The following PLEKHM3 variants were observed in gnomAD, a reference collection of about 807,000 sequenced individuals.
PLEKHM3 encodes pleckstrin homology domain containing M3, also known as pleckstrin homology domain-containing family M member 3.
PLEKHM3 carries 45 observed loss-of-function variants against 81.8 expected under a neutral mutation model. The observed-to-expected ratio is 0.55, with a 90% CI of 0.43 to 0.71. The LOEUF (loss-of-function observed/expected upper bound fraction) is 0.71, where lower values mean the gene tolerates loss of function less well. Ranked by LOEUF, PLEKHM3 falls within the 30% of genes least tolerant of loss-of-function variation. The pLI is 0.00. For synonymous variants in PLEKHM3, 352 were observed against 356.4 expected (o/e 0.99, Z 0.14); for missense variants, 788 against 924.3 (o/e 0.85, Z 1.91).
intron 7 of PLEKHM3, among the ~76,000 whole-genome samples, chr2:207,845,092 T>C (rs759575759): frequency 1.1e-4 from 16 of 152,190 alleles, no homozygotes; most frequent in Non-Finnish European, 2.1e-4. Flanking sequence ...GTTGTGAAGA[T>C]GTTTCCTGAG....
In PLEKHM3 at chr2:208,021,904, C is replaced by T. The variant is rs536383868; in HGVS notation, c.-319+3485G>A. Among the ~76,000 whole-genome samples, 8 of 152,326 alleles carry T rather than the reference C, an allele frequency of 5.3e-5. No homozygotes were observed. In the South Asian group the frequency reaches 1.7e-3, roughly 32 times the overall value. On this transcript the variant is annotated intron_variant, in intron 1 of 7. Transcript: ENST00000427836. ...AAAATCCTTTTTAGTGTCTATATAACACTGTATCTATTGATGACACCATAA... is the reference window on the plus strand; with the variant it reads ...AAAATCCTTTTTAGTGTCTATATAATACTGTATCTATTGATGACACCATAA...
chr2:207,851,070 T>C (rs2092409512), intron 7 of PLEKHM3, among the ~76,000 whole-genome samples: 1 of 150,478 alleles, frequency 6.6e-6, no homozygotes, highest in Non-Finnish European at 1.5e-5. Flanking sequence ...GGATAATTGT[T>C]TGAACCTGGG....
At chr2:207,939,585 G>A (rs1162812008) in intron 4 of PLEKHM3, among the ~76,000 whole-genome samples, 6 of 152,122 alleles carry the variant, frequency 3.9e-5, no homozygotes, top group Non-Finnish European at 8.8e-5. Flanking sequence ...CTTATGATGC[G>A]CCACACCCTG....
intron 6 of PLEKHM3, among the ~76,000 whole-genome samples, chr2:207,881,718 A>G (rs1339860022): frequency 1.3e-5 from 2 of 152,182 alleles, no homozygotes; most frequent in Admixed American, 1.3e-4. Context: ...TTGACAGTCA[A>G]CCACTGGGTC....
intron 6 of PLEKHM3, among the ~76,000 whole-genome samples, chr2:207,891,908 G>A (rs11897835): frequency 0.23 from 35,173 of 152,092 alleles, 4,278 homozygotes; most frequent in Middle Eastern, 0.31. Flanking sequence ...TTGCAAGCAC[G>A]CCTGAGAACT....
At chr2:207,992,097 C>T (rs1447588693) in intron 2 of PLEKHM3, among the ~76,000 whole-genome samples, 1 of 152,150 alleles carries the variant, frequency 6.6e-6, no homozygotes, top group Non-Finnish European at 1.5e-5. Context: ...AGTGGAACTC[C>T]AACCTCCAGA....
At chr2:207,859,100 C>A (rs898285865) in intron 7 of PLEKHM3, among the ~76,000 whole-genome samples, 1 of 150,408 alleles carries the variant, frequency 6.6e-6, no homozygotes, top group African/African-American at 2.4e-5. Flanking sequence ...AATGTTAATA[C>A]ATGTTGCAGC....
intron 7 of PLEKHM3, among the ~76,000 whole-genome samples, chr2:207,852,615 C>T (rs1454225246): frequency 2.6e-5 from 4 of 152,030 alleles, no homozygotes; most frequent in Non-Finnish European, 5.9e-5. Context: ...TATTCTAGTA[C>T]TGAAGAACAT....
At chr2:207,953,203 T>C (rs1690390493) in intron 3 of PLEKHM3, among the ~76,000 whole-genome samples, 1 of 152,258 alleles carries the variant, frequency 6.6e-6, no homozygotes, top group Non-Finnish European at 1.5e-5. Flanking sequence ...GTTGAGTTCA[T>C]GGACTTTAGA....
intron 6 of PLEKHM3, among the ~76,000 whole-genome samples, chr2:207,874,212 T>A (rs1300164261): frequency 6.6e-6 from 1 of 152,150 alleles, no homozygotes; most frequent in Non-Finnish European, 1.5e-5. Flanking sequence ...TTTAAATAAA[T>A]GATGTTGGGG....
chr2:208,007,194 C>G (rs1336714503), intron 1 of PLEKHM3, among the ~76,000 whole-genome samples: 1 of 152,184 alleles, frequency 6.6e-6, no homozygotes, highest in African/African-American at 2.4e-5. Context: ...ACACCTAGGA[C>G]AACTTATGTC....
chr2:208,000,677 T>C (rs1692267691), intron 2 of PLEKHM3, among the ~76,000 whole-genome samples: 1 of 152,212 alleles, frequency 6.6e-6, no homozygotes, highest in South Asian at 2.1e-4. Flanking sequence ...GAACAGGCAG[T>C]ATCATACAAT....
chr2:207,995,293 T>G (rs184683222), intron 2 of PLEKHM3, among the ~76,000 whole-genome samples: 3 of 152,360 alleles, frequency 2.0e-5, no homozygotes, highest in Admixed American at 2.0e-4. Flanking sequence ...GAACCCATGA[T>G]AGAGTTACAA....
intron 7 of PLEKHM3, among the ~76,000 whole-genome samples, chr2:207,850,217 C>G (rs2092405401): frequency 6.6e-6 from 1 of 152,222 alleles, no homozygotes; most frequent in Admixed American, 6.5e-5. Flanking sequence ...CCCTACACCT[C>G]TACGCTGGGG....
At chr2:207,837,895 C>T (rs1364524839) in intron 7 of PLEKHM3, among the ~76,000 whole-genome samples, 12 of 149,748 alleles carry the variant, frequency 8.0e-5, no homozygotes, top group African/African-American at 2.2e-4. Context: ...CTCAGCCTCC[C>T]GAGTAGCTGG....
intron 7 of PLEKHM3, among the ~76,000 whole-genome samples, chr2:207,842,760 A>G (rs929982004): frequency 1.2e-4 from 19 of 152,196 alleles, no homozygotes; most frequent in Non-Finnish European, 5.9e-5. Context: ...CCATAAGCTG[A>G]TATGTAAGAA....
chr2:207,825,238 A>G lies in PLEKHM3; in HGVS notation c.*3081T>C, dbSNP rs1010864549. On this transcript the variant is annotated 3_prime_UTR_variant, in exon 8 of 8. Transcript: ENST00000427836. ...CTTCTTTACTGCGGGGTTAGATGCC[A>G]ACATTTCACCAGGGTTGGACGATCT... 1.3e-5 allele frequency: 2 copies of G among 152,162 alleles called. No individual in the cohort carries two copies. Among genetic ancestry groups the G allele is most frequent in the African/African-American group, 4.8e-5 (2 of 41,434 alleles). 9.4% of individuals were successfully genotyped at this position (152,162 alleles called of 1,614,324 possible).
rs150698629 is a variant in PLEKHM3, at chr2:207,988,322, C to T, written c.611-10736G>A. On this transcript the variant is annotated intron_variant, in intron 2 of 7. Transcript: ENST00000427836. ...GCCTAGGTTCAACTCCCAATTCTGC[C>T]CTTACTGCCTACGTGACCGCTGACA... 3.4e-3 allele frequency among the ~76,000 whole-genome samples: 514 copies of T among 152,290 alleles called. 3 individuals carry two copies. Among genetic ancestry groups the T allele is most frequent in the African/African-American group, 0.011 (469 of 41,552 alleles).
chr2:207,998,427 G>T (rs187172649), intron 2 of PLEKHM3, among the ~76,000 whole-genome samples: 1 of 152,152 alleles, frequency 6.6e-6, no homozygotes, highest in East Asian at 1.9e-4. Context: ...TGGAAGGATC[G>T]CATGAGCGTG....
Sources: gnomAD v4.1 joint callset for allele counts (sites outside exome capture counted in the v4.1 genomes callset) on GRCh38, gnomAD v4.1.1 for gene constraint, MANE v1.5 for transcripts, NCBI Gene and HGNC (gene_info 2026-07-23, HGNC 2026-07-21) for gene names.